Variants in VWA8 observed in about 807,000 individuals in gnomAD.
The protein encoded by VWA8 is von Willebrand factor A domain containing 8, also known as von Willebrand factor A domain-containing protein 8.
In VWA8, 221 loss-of-function variants were observed where a neutral mutation model predicts 241.5. The observed-to-expected ratio is 0.91, with a 90% CI of 0.82 to 1.02. The LOEUF is 1.02. VWA8 is among the 50% of genes least tolerant of loss of function. The pLI is 0.00. For missense variants in VWA8, 2,322 were observed against 2,328.7 expected (o/e 1.00, Z 0.06); for synonymous variants, 852 against 827.1 (o/e 1.03, Z -0.52).
intron 35 of VWA8, among the ~76,000 whole-genome samples, chr13:41,683,881 TG>T (rs1211984491): frequency 6.6e-6 from 1 of 152,096 alleles, no homozygotes; most frequent in Non-Finnish European, 1.5e-5. Flanking sequence ...CCCAGATTTC[TG>T]GGTGAATGCA....
chr13:41,802,864 C>A (rs1487622282), intron 17 of VWA8, among the ~76,000 whole-genome samples: 1 of 152,232 alleles, frequency 6.6e-6, no homozygotes, highest in Admixed American at 6.5e-5. Context: ...TCACCACAAG[C>A]CTTGGGCAAG....
chr13:41,866,736 A>T (rs1207390399), intron 10 of VWA8, among the ~76,000 whole-genome samples: 2 of 152,184 alleles, frequency 1.3e-5, no homozygotes, highest in Non-Finnish European at 2.9e-5. Context: ...TTCTAGTTGT[A>T]AGCACAGAAT....
intron 39 of VWA8, among the ~76,000 whole-genome samples, chr13:41,605,663 T>C (rs2044549281): frequency 6.6e-6 from 1 of 152,096 alleles, no homozygotes; most frequent in Admixed American, 6.6e-5. Flanking sequence ...CCCAAAGCCA[T>C]ATTGTGATGT....
At chr13:41,711,753 AG>A (rs1482220618) in intron 26 of VWA8, among the ~76,000 whole-genome samples, 1 of 152,096 alleles carries the variant, frequency 6.6e-6, no homozygotes, top group Non-Finnish European at 1.5e-5. Context: ...GGGTGCCTAT[AG>A]TCCCAGCTAC....
intron 20 of VWA8, among the ~76,000 whole-genome samples, chr13:41,768,334 A>G (rs555392162): frequency 5.6e-4 from 85 of 152,370 alleles, no homozygotes; most frequent in Admixed American, 1.3e-3. Flanking sequence ...CAAATTATTA[A>G]TTAGCAAAAT....
At chr13:41,865,081 T>C (rs1283564989) in intron 12 of VWA8, among the ~76,000 whole-genome samples, 1 of 151,852 alleles carries the variant, frequency 6.6e-6, no homozygotes, top group Non-Finnish European at 1.5e-5. Context: ...AGTGAATATA[T>C]AATTAGCTCC....
intron 26 of VWA8, 37 bp from the exon 27 acceptor site, chr13:41,703,448 T>C (rs1593707293): frequency 5.1e-6 from 8 of 1,581,786 alleles, no homozygotes; most frequent in Non-Finnish European, 6.9e-6. Flanking sequence ...TATTTCTTAT[T>C]GTACCCAAGT....
chr13:41,883,251 G>A (rs1472536383), intron 9 of VWA8, 136 bp downstream of exon 9: 5 of 632,286 alleles, frequency 7.9e-6, no homozygotes, highest in Non-Finnish European at 1.4e-5. Flanking sequence ...AAAGAATGGA[G>A]GGGAAGGGAA....
intron 17 of VWA8, among the ~76,000 whole-genome samples, chr13:41,795,792 T>A (rs551507314): frequency 6.6e-6 from 1 of 152,168 alleles, no homozygotes; most frequent in African/African-American, 2.4e-5. Flanking sequence ...TGGAGCCTCT[T>A]GAGGTGGGCG....
In VWA8 at chr13:41,699,166, A is replaced by T. The variant is rs961107950; in HGVS notation, c.3469T>A (p.Phe1157Ile). 1 of 1,614,040 alleles carries T rather than the reference A, an allele frequency of 6.2e-7. No homozygotes were observed. Among genetic ancestry groups the T allele is most frequent in the Non-Finnish European group, 8.5e-7 (1 of 1,180,014 alleles). The change falls in exon 29 of 45, where the codon TTC becomes ATC. Residue 1157 changes from phenylalanine to isoleucine, a missense_variant. By Grantham distance (21) the Phe-to-Ile change is conservative. Transcript: ENST00000379310. ...SGFFVDFFDI[F>I]PRTANGVWHP... ...CAAACGCCATTGGCTGTTCTTGGGA[A>T]GATATCAAAAAAGTCCACAAAGAAG...
In VWA8 at chr13:41,811,211, A is replaced by AAGAATATG. The variant is rs1295705116; in HGVS notation, c.2063+6_2063+13dup. 6.3e-7 allele frequency: 1 copy of AAGAATATG among 1,589,702 alleles called. No homozygotes were observed. Among genetic ancestry groups the AAGAATATG allele is most frequent in the Non-Finnish European group, 8.6e-7 (1 of 1,159,976 alleles). On this transcript the variant is annotated intron_variant, in intron 17 of 44. Coordinates refer to ENST00000379310, the MANE Select transcript of VWA8 (RefSeq NM_015058.2). Reference sequence around the variant, plus strand: ...ATCCAGAAACTTACACGCAGTGAGAAAGAATATGTTTACCTGGAAAGGCAG... The same window carrying AAGAATATG: ...ATCCAGAAACTTACACGCAGTGAGAAAGAATATGAGAATATGTTTACCTGGAAAGGCAG...
chr13:41,698,091 T>G (rs1160980882), intron 29 of VWA8, among the ~76,000 whole-genome samples: 1 of 152,186 alleles, frequency 6.6e-6, no homozygotes, highest in Non-Finnish European at 1.5e-5. Context: ...TATTTTAAAT[T>G]GCAGTCTTAT....
At chr13:41,943,285 A>G (rs542989150) in intron 2 of VWA8, among the ~76,000 whole-genome samples, 57 of 152,334 alleles carry the variant, frequency 3.7e-4, no homozygotes, top group African/African-American at 1.3e-3. Context: ...GAGAATTATC[A>G]CTATAGATTC....
Position 41,839,554 on chromosome 13 carries a change from A to G in VWA8, c.1426-6023T>C, listed in dbSNP as rs532849033. Reference sequence around the variant, plus strand: ...ATTCCTTTTGGTGTTTTAGTCATGAAGTCTTTGCCCATGCCTATGTCCTGA... The same window carrying G: ...ATTCCTTTTGGTGTTTTAGTCATGAGGTCTTTGCCCATGCCTATGTCCTGA... On this transcript the variant is annotated intron_variant, in intron 12 of 44. Transcript: ENST00000379310. 5.5e-4 allele frequency among the ~76,000 whole-genome samples: 83 copies of G among 152,266 alleles called. No homozygotes were observed. In the Middle Eastern group the frequency reaches 0.017, roughly 31 times the overall value.
intron 37 of VWA8, among the ~76,000 whole-genome samples, chr13:41,647,166 T>G (rs1450985665): frequency 6.6e-6 from 1 of 152,058 alleles, no homozygotes; most frequent in African/African-American, 2.4e-5. Context: ...AAAAAAGAGC[T>G]CCAATGGAAA....
chr13:41,764,429 G>A (rs1040889911), intron 20 of VWA8, among the ~76,000 whole-genome samples: 2 of 152,010 alleles, frequency 1.3e-5, no homozygotes, highest in African/African-American at 2.4e-5. Context: ...GGATATAATG[G>A]TAAAGGAAAC....
At chr13:41,743,703 C>T (rs950364698) in intron 21 of VWA8, among the ~76,000 whole-genome samples, 1 of 152,188 alleles carries the variant, frequency 6.6e-6, no homozygotes, top group Non-Finnish European at 1.5e-5. Context: ...ATCATTTTCA[C>T]TTTATTAATA....
At chr13:41,873,733 A>G (rs1398898403) in intron 9 of VWA8, among the ~76,000 whole-genome samples, 3 of 152,256 alleles carry the variant, frequency 2.0e-5, no homozygotes, top group African/African-American at 7.2e-5. Context: ...AGATGGATTC[A>G]CAGCCAAATT....
intron 2 of VWA8, among the ~76,000 whole-genome samples, chr13:41,943,925 A>G (rs1348250012): frequency 6.6e-6 from 1 of 152,028 alleles, no homozygotes; most frequent in Non-Finnish European, 1.5e-5. Flanking sequence ...CAACAGGGTA[A>G]AACCCTGTCT....
Sources: gnomAD v4.1 joint callset for allele counts (sites outside exome capture counted in the v4.1 genomes callset) on GRCh38, gnomAD v4.1.1 for gene constraint, MANE v1.5 for transcripts, NCBI Gene and HGNC (gene_info 2026-07-23, HGNC 2026-07-21) for gene names.